The following GNAO1 variants were observed in gnomAD, a reference collection of about 807,000 sequenced individuals.
The protein encoded by GNAO1 is G protein subunit alpha o1.
For synonymous variants in GNAO1, 164 were observed against 180.7 expected, an observed-to-expected ratio of 0.91 and a Z score of 0.74; for missense variants, 166 against 478.7, an observed-to-expected ratio of 0.35 and a Z score of 6.10.
Position 56,309,386 on chromosome 16 carries a change from C to T in GNAO1, c.304-19245C>T, listed in dbSNP as rs1051915096. ...GGAGGTAGGGACAGATTCATGTTGC[C>T]AGCTCTCCCACCCAGCCAAGGAACG... On this transcript the variant is annotated intron_variant, in intron 3 of 8. Transcript: ENST00000262493. Among the ~76,000 whole-genome samples the T allele has an allele frequency of 5.9e-5, 9 of 152,290 alleles. 1 individual carries two copies. Among genetic ancestry groups the T allele is most frequent in the Admixed American group, 5.2e-4 (8 of 15,300 alleles).
At chr16:56,355,292 C>T (rs914098512) in intron 8 of GNAO1, 23 of 162,224 alleles carry the variant, frequency 1.4e-4, no homozygotes, top group Admixed American at 9.0e-4. Flanking sequence ...AACTGACCAC[C>T]ATCCCATAGC....
At chr16:56,321,774 C>T (rs748767699) in intron 3 of GNAO1, among the ~76,000 whole-genome samples, 20 of 152,286 alleles carry the variant, frequency 1.3e-4, no homozygotes, top group Middle Eastern at 3.4e-3. Context: ...CACCTGGTAG[C>T]GGTCACTGCT....
At chr16:56,282,670 G>A (rs369918382) in intron 3 of GNAO1, among the ~76,000 whole-genome samples, 6 of 152,218 alleles carry the variant, frequency 3.9e-5, no homozygotes, top group South Asian at 2.1e-4. Flanking sequence ...GGCCCTACAA[G>A]CAAGGGCTTT....
intron 6 of GNAO1, among the ~76,000 whole-genome samples, chr16:56,349,800 G>A (rs1362375849): frequency 6.6e-6 from 1 of 152,184 alleles, no homozygotes; most frequent in East Asian, 1.9e-4. Context: ...CAGGGGCTGG[G>A]GCTGGCCGCC....
chr16:56,338,652 G>C (rs1167347912), intron 6 of GNAO1, among the ~76,000 whole-genome samples: 1 of 152,254 alleles, frequency 6.6e-6, no homozygotes, highest in Non-Finnish European at 1.5e-5. Flanking sequence ...GACCTGCCCT[G>C]CCAGGCCTGT....
chr16:56,243,338 T>C (rs915426795), intron 2 of GNAO1, among the ~76,000 whole-genome samples: 3 of 151,962 alleles, frequency 2.0e-5, no homozygotes, highest in African/African-American at 4.8e-5. Context: ...TCCAAAAAGG[T>C]TGGGGACTGC....
chr16:56,221,978 G>A (rs1401790817), intron 2 of GNAO1, among the ~76,000 whole-genome samples: 2 of 152,190 alleles, frequency 1.3e-5, no homozygotes, highest in Non-Finnish European at 2.9e-5. Flanking sequence ...TGCAGGGATG[G>A]CAAGAGGCTA....
At chr16:56,305,111 T>A (rs1205153357) in intron 3 of GNAO1, among the ~76,000 whole-genome samples, 2 of 152,224 alleles carry the variant, frequency 1.3e-5, no homozygotes, top group Non-Finnish European at 2.9e-5. Context: ...ATTTCTCCTC[T>A]GCTTCCTGAC....
intron 1 of GNAO1, 66 bp from the exon 2 acceptor site, chr16:56,192,508 C>G: frequency 1.2e-6 from 1 of 859,106 alleles, no homozygotes; most frequent in Non-Finnish European, 1.9e-6. Flanking sequence ...TGCCTTAGTC[C>G]CCCCCTCCCC....
intron 3 of GNAO1, among the ~76,000 whole-genome samples, chr16:56,292,557 A>T (rs2037242688): frequency 6.6e-6 from 1 of 152,022 alleles, no homozygotes; most frequent in African/African-American, 2.4e-5. Context: ...AGATAGGGTT[A>T]CATTATGTTG....
intron 6 of GNAO1, among the ~76,000 whole-genome samples, chr16:56,337,748 A>G (rs939349885): frequency 1.3e-5 from 2 of 152,182 alleles, no homozygotes; most frequent in Non-Finnish European, 2.9e-5. Flanking sequence ...TGGTGGTTGT[A>G]CAGTTGCTGG....
chr16:56,250,248 T>C (rs1363903987), intron 2 of GNAO1, among the ~76,000 whole-genome samples: 8 of 152,172 alleles, frequency 5.3e-5, no homozygotes, highest in Non-Finnish European at 8.8e-5. Context: ...CCGTAATTGC[T>C]AACCTTATTT....
chr16:56,350,497 G>A (rs1251623272), intron 6 of GNAO1, among the ~76,000 whole-genome samples: 1 of 152,222 alleles, frequency 6.6e-6, no homozygotes, highest in African/African-American at 2.4e-5. Context: ...TTTTTGCCCA[G>A]GGCAAGAGGC....
rs202122635 is a variant in GNAO1 at position 56,351,560 on chromosome 16, C to T, written c.877+23C>T. 8 of 1,594,580 alleles carry T rather than the reference C, an allele frequency of 5.0e-6. No homozygotes were observed. The East Asian group carries it at 1.8e-4, about 36-fold the overall frequency. ...CAGGTGGGTGCCAGGCAGTCCTGTG[C>T]AGGGGGAAGCCTGCCCCTGACAGGG... is the stretch of plus-strand genomic sequence containing the variant. On this transcript the variant is annotated intron_variant, in intron 7 of 8. Transcript: ENST00000262493. This position sits in a 1 kb window ranked among gnomAD's most constrained non-coding sequence, Gnocchi z 6.1.
intron 3 of GNAO1, among the ~76,000 whole-genome samples, chr16:56,283,371 C>A (rs1219507517): frequency 6.6e-6 from 1 of 152,178 alleles, no homozygotes; most frequent in African/African-American, 2.4e-5. Context: ...TCTTGTTCCA[C>A]CAGGGGCCTT....
At chr16:56,335,231 T>C (rs2037729671) in intron 5 of GNAO1, among the ~76,000 whole-genome samples, 1 of 152,158 alleles carries the variant, frequency 6.6e-6, no homozygotes, top group Admixed American at 6.5e-5. Context: ...CCAAGCTACC[T>C]CTGTGAGACC....
At chr16:56,302,783 A>G (rs545483634) in intron 3 of GNAO1, 1 of 152,230 alleles carries the variant, frequency 6.6e-6, no homozygotes. Context: ...CACTGTGTGT[A>G]TTGATTTCTC....
intron 3 of GNAO1, among the ~76,000 whole-genome samples, chr16:56,285,227 T>G (rs2037154087): frequency 6.6e-6 from 1 of 152,174 alleles, no homozygotes; most frequent in Non-Finnish European, 1.5e-5. Context: ...TGTGCTCTCT[T>G]TCTGTCTTTC....
At chr16:56,344,742 T>A in intron 6 of GNAO1, 6 of 985,296 alleles carry the variant, frequency 6.1e-6, no homozygotes, top group Non-Finnish European at 6.0e-6. Context: ...GGCCAAAGGG[T>A]GACCCATTTC....
Sources: gnomAD v4.1 joint callset for allele counts (sites outside exome capture counted in the v4.1 genomes callset) on GRCh38, gnomAD v4.1.1 for gene constraint, Gnocchi (gnomAD v3.1) non-coding constraint, MANE v1.5 for transcripts, NCBI Gene and HGNC (gene_info 2026-07-23, HGNC 2026-07-21) for gene names.